Variants in WDR19 observed in about 807,000 individuals in gnomAD.
WDR19 encodes the protein WD repeat-containing protein 19.
In WDR19, 121 loss-of-function variants were observed where a neutral mutation model predicts 180.0. That is an observed-to-expected ratio of 0.67 (90% CI 0.58 to 0.78). The LOEUF (loss-of-function observed/expected upper bound fraction) is 0.78, where lower values mean the gene tolerates loss of function less well. Ranked by LOEUF, WDR19 falls within the 30% of genes least tolerant of loss-of-function variation. The pLI is 0.00. For missense variants in WDR19, 1,450 were observed against 1,640.7 expected (o/e 0.88, Z 2.01); for synonymous variants, 497 against 540.7 (o/e 0.92, Z 1.12).
chr4:39,270,861 A>G (rs1158121071), intron 31 of WDR19, among the ~76,000 whole-genome samples: 1 of 151,152 alleles, frequency 6.6e-6, no homozygotes, highest in Non-Finnish European at 1.5e-5. Context: ...AATAATACAT[A>G]TTCCCTAAGA....
At chr4:39,204,230 C>G (rs560180324) in intron 7 of WDR19, among the ~76,000 whole-genome samples, 1 of 152,142 alleles carries the variant, frequency 6.6e-6, no homozygotes, top group South Asian at 2.1e-4. Context: ...TGATTACAGG[C>G]ATGCGCCACG....
chr4:39,192,978 G>A (rs1228468386), intron 4 of WDR19, among the ~76,000 whole-genome samples: 1 of 152,118 alleles, frequency 6.6e-6, no homozygotes, highest in African/African-American at 2.4e-5. Flanking sequence ...CTCATGGGCA[G>A]TTACACTTTC....
chr4:39,260,676 A>G (rs1014517813), intron 28 of WDR19, among the ~76,000 whole-genome samples: 19 of 152,196 alleles, frequency 1.2e-4, no homozygotes, highest in African/African-American at 4.6e-4. Flanking sequence ...TTGGGCTGCC[A>G]TAACAAAATA....
chr4:39,212,014 TA>T (rs1452286395), intron 9 of WDR19, among the ~76,000 whole-genome samples: 1 of 150,152 alleles, frequency 6.7e-6, no homozygotes, highest in Non-Finnish European at 1.5e-5. Flanking sequence ...GCACAGATCC[TA>T]AAATAGCCAA....
chr4:39,230,991 A>G (rs1219819166), intron 17 of WDR19, among the ~76,000 whole-genome samples: 1 of 152,128 alleles, frequency 6.6e-6, no homozygotes, highest in African/African-American at 2.4e-5. Flanking sequence ...CTGTTGTAGC[A>G]GGAAAGTGGC....
chr4:39,231,232 A>G (rs577582828), intron 17 of WDR19, among the ~76,000 whole-genome samples: 2 of 149,826 alleles, frequency 1.3e-5, no homozygotes, highest in Non-Finnish European at 2.9e-5. Flanking sequence ...AATAACTTGA[A>G]CCCAGGAGGC....
At chr4:39,189,200 A>C (rs1208449046) in intron 3 of WDR19, among the ~76,000 whole-genome samples, 2 of 152,170 alleles carry the variant, frequency 1.3e-5, no homozygotes, top group South Asian at 4.1e-4. Flanking sequence ...CTGGGATTAC[A>C]GGTGTAAGCC....
At chr4:39,218,934 C>G (rs1484213276) in intron 14 of WDR19, 1 of 152,096 alleles carries the variant, frequency 6.6e-6, no homozygotes, top group Non-Finnish European at 1.5e-5. Context: ...TAGTGCAGGC[C>G]TGCATAGCAT....
chr4:39,223,456 G>C (rs1341176316), intron 14 of WDR19, among the ~76,000 whole-genome samples: 2 of 152,154 alleles, frequency 1.3e-5, no homozygotes, highest in African/African-American at 4.8e-5. Flanking sequence ...TCAGCCTCCT[G>C]AGTAGCTGGG....
intron 20 of WDR19, among the ~76,000 whole-genome samples, chr4:39,239,067 C>T (rs1270245778): frequency 6.6e-6 from 1 of 152,048 alleles, no homozygotes; most frequent in Non-Finnish European, 1.5e-5. Context: ...AACTCTGCCT[C>T]CCGGGTTCAA....
intron 21 of WDR19, among the ~76,000 whole-genome samples, 165 bp downstream of exon 21, chr4:39,240,499 A>C (rs1162876592): frequency 6.6e-6 from 1 of 152,178 alleles, no homozygotes; most frequent in African/African-American, 2.4e-5. Context: ...TCCTTTTAAA[A>C]CACTTCAAGC....
intron 14 of WDR19, among the ~76,000 whole-genome samples, chr4:39,222,282 T>G (rs1441566100): frequency 6.6e-6 from 1 of 152,232 alleles, no homozygotes; most frequent in Non-Finnish European, 1.5e-5. Flanking sequence ...TATTGATTTA[T>G]GAGAGTTCTT....
chr4:39,217,848 T>C, intron 13 of WDR19, 135 bp from the exon 14 acceptor site: 3 of 1,130,188 alleles, frequency 2.7e-6, no homozygotes, highest in Non-Finnish European at 3.7e-6. Flanking sequence ...TGTGATAGCT[T>C]TCCAACTAAA....
At chr4:39,257,632 A>G in intron 28 of WDR19, 78 bp downstream of exon 28, 1 of 1,329,386 alleles carries the variant, frequency 7.5e-7, no homozygotes, top group Non-Finnish European at 1.1e-6. Flanking sequence ...AAATATATGC[A>G]GAAGTAGACC....
rs1250769170 is a variant in WDR19, at chr4:39,189,767, A to G, written c.276A>G (p.Leu92=). Residue 92 remains leucine (L), a synonymous_variant, in exon 4 of 37, where the codon TTA becomes TTG. Coordinates refer to ENST00000399820, the MANE Select transcript of WDR19 (RefSeq NM_025132.4). ...CCAACACAAATAAGACCAGCCAGTT[A>G]GACAATGGCATGAGGTAAGATAACT... ...WDANTNKTSQ[L]DNGMRDQMSF... is the part of the protein sequence containing the mutation. 6.2e-7 allele frequency: 1 copy of G among 1,603,058 alleles called. No individual in the cohort carries two copies. The highest frequency in any genetic ancestry group is 8.5e-7 in the Non-Finnish European group (1 of 1,176,990).
chr4:39,278,796 A>T, intron 36 of WDR19, 133 bp downstream of exon 36: 1 of 441,758 alleles, frequency 2.3e-6, no homozygotes, highest in Non-Finnish European at 3.9e-6. Context: ...TCTGACAACC[A>T]CCTTTTGATG....
At chr4:39,232,820 A>T (rs1373310044) in intron 19 of WDR19, among the ~76,000 whole-genome samples, 1 of 152,172 alleles carries the variant, frequency 6.6e-6, no homozygotes. Context: ...CAAACATGTC[A>T]GTTTAAGAAC....
chr4:39,244,105 T>C (rs1049764296), intron 21 of WDR19, 143 bp from the exon 22 acceptor site: 44 of 1,032,658 alleles, frequency 4.3e-5, no homozygotes, highest in African/African-American at 6.5e-5. Flanking sequence ...TCAAGTGTTA[T>C]TTTAAAATCA....
chr4:39,224,747 A>G lies in WDR19; in HGVS notation c.1480-137A>G, dbSNP rs1730066155. The G allele has an allele frequency of 3.8e-6, 3 of 788,762 alleles. No homozygotes were observed. In the African/African-American group the frequency reaches 5.4e-5, roughly 14 times the overall value. The allele number at this position is 788,762 out of a possible 1,614,324, so 48.9% of individuals were successfully genotyped here. A position where few individuals can be genotyped will look rare whatever the true frequency, so the allele number is the denominator to read the frequency against. Reference sequence around the variant, plus strand: ...TCTGTACCTTTCACATATACTAAATATTATTCTTAGATACTTCATCAAAAA... The same window carrying G: ...TCTGTACCTTTCACATATACTAAATGTTATTCTTAGATACTTCATCAAAAA... On this transcript the variant is annotated intron_variant, in intron 14 of 36. Transcript: ENST00000399820.
Sources: allele counts gnomAD v4.1 joint callset (sites outside exome capture counted in the v4.1 genomes callset), GRCh38; gene constraint gnomAD v4.1.1; transcripts MANE v1.5; gene names NCBI Gene and HGNC (gene_info 2026-07-23, HGNC 2026-07-21).